Variants in TMPRSS15 observed in about 807,000 individuals in gnomAD.
TMPRSS15 encodes transmembrane serine protease 15, also known as enteropeptidase.
In TMPRSS15, 128 loss-of-function variants were observed where a neutral mutation model predicts 125.3. The ratio of observed to expected loss-of-function variants is 1.02; its 90% confidence interval spans 0.89 to 1.18. The LOEUF is 1.18. Ranked by LOEUF, TMPRSS15 falls within the 50% of genes most tolerant of loss-of-function variation. The probability of loss-of-function intolerance (pLI) is 0.00; values close to 1 mark genes in which losing one functional copy is unlikely to be tolerated. For missense variants in TMPRSS15, 1,283 were observed against 1,212.7 expected (o/e 1.06, Z -0.86); for synonymous variants, 446 against 423.2 (o/e 1.05, Z -0.66).
chr21:18,333,380 A>AT (rs936449102), intron 13 of TMPRSS15, among the ~76,000 whole-genome samples: 11 of 152,316 alleles, frequency 7.2e-5, no homozygotes, highest in African/African-American at 1.7e-4. Context: ...TACAAAGGAA[A>AT]TTTTTTTGTC....
chr21:18,479,004 G>C (rs1221256690), intron 1 of TMPRSS15, among the ~76,000 whole-genome samples: 2 of 151,772 alleles, frequency 1.3e-5, no homozygotes, highest in Non-Finnish European at 2.9e-5. Flanking sequence ...TTTGGATTTT[G>C]GATATTTGCA....
intron 1 of TMPRSS15, among the ~76,000 whole-genome samples, chr21:18,474,646 T>C (rs1237793793): frequency 6.6e-6 from 1 of 152,196 alleles, no homozygotes. Context: ...GTGGCTGTTA[T>C]GATCAACAAA....
chr21:18,425,744 T>C (rs1260446601), intron 1 of TMPRSS15, among the ~76,000 whole-genome samples: 1 of 152,136 alleles, frequency 6.6e-6, no homozygotes, highest in African/African-American at 2.4e-5. Flanking sequence ...TCATCCACAT[T>C]TGGGAGAAAA....
At position 18,341,268 on chromosome 21, in the gene TMPRSS15, G is replaced by T. The variant is rs889425746; in HGVS notation, c.1564+145C>A. ...TTTTGTTTTGTAGAGACAGAGTCTC[G>T]CTGTAATCCTCAGGCTGGTCTCAAA... On this transcript the variant is annotated intron_variant, in intron 13 of 24. Transcript: ENST00000284885. 22 of 937,370 alleles carry T rather than the reference G, an allele frequency of 2.3e-5. No homozygotes were observed. In the East Asian group the frequency reaches 4.8e-4, roughly 20 times the overall value. The allele number at this position is 937,370 out of a possible 1,614,324, so 58.1% of individuals were successfully genotyped here. A position where few individuals can be genotyped will look rare whatever the true frequency, so the allele number is the denominator to read the frequency against.
chr21:18,481,631 C>T (rs1266450959), intron 1 of TMPRSS15, among the ~76,000 whole-genome samples: 1 of 151,552 alleles, frequency 6.6e-6, no homozygotes, highest in East Asian at 1.9e-4. Flanking sequence ...AACAAAAAAT[C>T]CAAGTCCTAA....
intron 21 of TMPRSS15, 100 bp downstream of exon 21, chr21:18,294,170 C>T (rs1392396658): frequency 7.2e-7 from 1 of 1,388,534 alleles, no homozygotes; most frequent in African/African-American, 1.4e-5. Flanking sequence ...AGCAGGATTT[C>T]CCTGGTGGGA....
In TMPRSS15 at chr21:18,388,266, C is replaced by T. The variant is rs77489246; in HGVS notation, c.345-4488G>A. 8.8e-3 allele frequency among the ~76,000 whole-genome samples: 1,345 copies of T among 152,176 alleles called. 26 individuals carry two copies. Among genetic ancestry groups the T allele is most frequent in the African/African-American group, 0.029 (1,208 of 41,530 alleles). On this transcript the variant is annotated intron_variant, in intron 3 of 24. Transcript: ENST00000284885. ...TAAAATATTTGTCAAGGTCTGGGCACGGTACTGGCCTCCTAGGTAGCTATA... is the reference window on the plus strand; with the variant it reads ...TAAAATATTTGTCAAGGTCTGGGCATGGTACTGGCCTCCTAGGTAGCTATA...
At chr21:18,433,862 A>C (rs1383512654) in intron 1 of TMPRSS15, among the ~76,000 whole-genome samples, 1 of 151,992 alleles carries the variant, frequency 6.6e-6, no homozygotes, top group East Asian at 1.9e-4. Flanking sequence ...CATTTTTCTT[A>C]TTTTGAAAAG....
intron 1 of TMPRSS15, among the ~76,000 whole-genome samples, chr21:18,463,501 T>C (rs888956582): frequency 1.3e-5 from 2 of 151,932 alleles, no homozygotes; most frequent in African/African-American, 2.4e-5. Flanking sequence ...ACAATAATAG[T>C]GGGAGACTTT....
At position 18,273,735 on chromosome 21, in the gene TMPRSS15, T is replaced by C. The variant is rs75978464; in HGVS notation, c.2904+1462A>G. Reference sequence around the variant, plus strand: ...ATCTCCTTCTAAGTGGCAATATATCTTACCTTTAGCACACTTTTCATTTTA... The same window carrying C: ...ATCTCCTTCTAAGTGGCAATATATCCTACCTTTAGCACACTTTTCATTTTA... On this transcript the variant is annotated intron_variant, in intron 24 of 24. Coordinates refer to ENST00000284885, the MANE Select transcript of TMPRSS15 (RefSeq NM_002772.3). 9.7e-3 allele frequency among the ~76,000 whole-genome samples: 1,483 copies of C among 152,290 alleles called. 29 individuals carry two copies. The highest frequency in any genetic ancestry group is 0.034 in the African/African-American group (1,405 of 41,542).
chr21:18,407,701 A>T (rs984200304), upstream of TMPRSS15, among the ~76,000 whole-genome samples: 3 of 152,036 alleles, frequency 2.0e-5, no homozygotes, highest in South Asian at 4.1e-4. Context: ...TTCTATTGTG[A>T]AAAGTGTAGA....
chr21:18,455,271 T>C (rs1166230698), intron 1 of TMPRSS15, among the ~76,000 whole-genome samples: 2 of 152,248 alleles, frequency 1.3e-5, no homozygotes, highest in Admixed American at 1.3e-4. Flanking sequence ...ATTAGTAGCA[T>C]GAGAATGGAC....
At chr21:18,339,356 G>A (rs2075424818) in intron 13 of TMPRSS15, among the ~76,000 whole-genome samples, 1 of 152,110 alleles carries the variant, frequency 6.6e-6, no homozygotes, top group African/African-American at 2.4e-5. Flanking sequence ...TAGCTCATTT[G>A]TTACATGTTC....
intron 1 of TMPRSS15, among the ~76,000 whole-genome samples, chr21:18,413,580 CTAACT>C (rs1422431239): frequency 1.5e-5 from 2 of 137,922 alleles, no homozygotes; most frequent in Admixed American, 7.6e-5. Context: ...CCACACCTGG[CTAACT>C]TTTTTTTTTT....
chr21:18,381,117 T>C (rs1284135664), intron 4 of TMPRSS15, among the ~76,000 whole-genome samples: 1 of 152,128 alleles, frequency 6.6e-6, no homozygotes, highest in Non-Finnish European at 1.5e-5. Context: ...CTATGCAAGA[T>C]ATAAAGGAAA....
chr21:18,285,344 A>G (rs66499720), intron 21 of TMPRSS15, among the ~76,000 whole-genome samples: 15,218 of 152,224 alleles, frequency 0.1, 893 homozygotes, highest in African/African-American at 0.16. Context: ...TAGAAAGCAA[A>G]TATGGTAAGA....
intron 21 of TMPRSS15, among the ~76,000 whole-genome samples, chr21:18,289,093 C>T (rs2074802356): frequency 6.6e-6 from 1 of 151,998 alleles, no homozygotes; most frequent in South Asian, 2.1e-4. Flanking sequence ...CAAAAAAATC[C>T]AAATTTTAAG....
intron 10 of TMPRSS15, among the ~76,000 whole-genome samples, chr21:18,348,456 A>G (rs2075532062): frequency 6.6e-6 from 1 of 152,210 alleles, no homozygotes; most frequent in South Asian, 2.1e-4. Context: ...AGAAGGAAAT[A>G]GGCTGATGCA....
intron 21 of TMPRSS15, among the ~76,000 whole-genome samples, chr21:18,283,717 T>C (rs1365372052): frequency 2.6e-5 from 4 of 152,256 alleles, no homozygotes; most frequent in East Asian, 3.9e-4. Context: ...GAATTTTTCA[T>C]ATAGAAGTTC....
Sources: allele counts gnomAD v4.1 joint callset (sites outside exome capture counted in the v4.1 genomes callset), GRCh38; gene constraint gnomAD v4.1.1; transcripts MANE v1.5; gene names NCBI Gene and HGNC (gene_info 2026-07-23, HGNC 2026-07-21).